The following DMD variants were observed in gnomAD, a reference collection of about 807,000 sequenced individuals.
The protein encoded by DMD is dystrophin, also known as mutant dystrophin.
Under a neutral mutation model 330.1 loss-of-function variants are expected in DMD, and 63 were observed. The ratio of observed to expected loss-of-function variants is 0.19; its 90% CI spans 0.16 to 0.24. The LOEUF (loss-of-function observed/expected upper bound fraction) is 0.24, where lower values mean the gene tolerates loss of function less well. Among genes scored for constraint, DMD ranks in the 10% least tolerant of loss-of-function variants. The pLI is 1.00. For missense variants in DMD, 3,344 were observed against 2,684.1 expected (o/e 1.25, Z -5.43); for synonymous variants, 1,223 against 959.8 (o/e 1.27, Z -5.07).
At chrX:33,029,842 T>C (rs1193347981) in intron 1 of DMD, among the ~76,000 whole-genome samples, 2 of 111,830 alleles carry the variant, frequency 1.8e-5, no homozygotes, top group South Asian at 3.7e-4. Flanking sequence ...TATGAAAAGG[T>C]GTTAAGTGGT....
chrX:32,387,644 C>G (rs1258009611), intron 32 of DMD, among the ~76,000 whole-genome samples: 1 of 111,184 alleles, frequency 9.0e-6, no homozygotes, highest in African/African-American at 3.3e-5. Context: ...TGTTAACATT[C>G]CTTCATCACT....
intron 44 of DMD, among the ~76,000 whole-genome samples, chrX:31,982,970 A>C (rs1242012464): frequency 1.2e-5 from 1 of 85,709 alleles, no homozygotes; most frequent in Non-Finnish European, 2.6e-5. Context: ...AGCTTTTGTT[A>C]ATGGTATTTT....
chrX:33,315,652 C>CT (rs924282264), intron 1 of DMD, among the ~76,000 whole-genome samples: 8 of 112,296 alleles, frequency 7.1e-5, no homozygotes, highest in African/African-American at 2.6e-4. Flanking sequence ...CAGTCTTTAT[C>CT]TTTTTGTTGT....
At chrX:32,845,311 C>T (rs1331250459) in intron 3 of DMD, among the ~76,000 whole-genome samples, 4 of 111,863 alleles carry the variant, frequency 3.6e-5, no homozygotes, top group African/African-American at 9.7e-5. Context: ...CCTTAATTGT[C>T]CTTGTCACTG....
intron 55 of DMD, among the ~76,000 whole-genome samples, chrX:31,598,960 A>G (rs938623506): frequency 5.4e-5 from 6 of 111,830 alleles, no homozygotes; most frequent in Non-Finnish European, 9.4e-5. Context: ...CTTTTGTCTC[A>G]TTTTTCATGG....
chrX:32,535,770 C>A (rs1340896059), intron 17 of DMD, among the ~76,000 whole-genome samples: 1 of 111,440 alleles, frequency 9.0e-6, no homozygotes, highest in East Asian at 2.8e-4. Flanking sequence ...ACAAGACTCG[C>A]ACAAAACCTG....
intron 60 of DMD, among the ~76,000 whole-genome samples, chrX:31,409,844 A>C (rs1470266197): frequency 9.2e-6 from 1 of 108,538 alleles, no homozygotes; most frequent in East Asian, 3.0e-4. Context: ...AGATAGATAG[A>C]GTCTTGCTCT....
intron 1 of DMD, among the ~76,000 whole-genome samples, chrX:33,115,046 C>CAGTT (rs2095370750): frequency 8.9e-6 from 1 of 112,386 alleles, no homozygotes; most frequent in South Asian, 3.6e-4. Context: ...TTCATACTTT[C>CAGTT]AGTTAGGATG....
chrX:32,641,481 G>A, intron 11 of DMD: 1 of 131,783 alleles, frequency 7.6e-6, no homozygotes, highest in Non-Finnish European at 1.7e-5. Context: ...GTTGCTATTA[G>A]GTTGGTACAA....
intron 60 of DMD, among the ~76,000 whole-genome samples, chrX:31,355,603 A>G (rs2058628733): frequency 8.9e-6 from 1 of 111,748 alleles, no homozygotes; most frequent in Non-Finnish European, 1.9e-5. Flanking sequence ...TCTCCAGTCT[A>G]TTCACGAGTT....
intron 1 of DMD, among the ~76,000 whole-genome samples, chrX:33,070,190 A>G (rs912072985): frequency 8.9e-6 from 1 of 112,070 alleles, no homozygotes; most frequent in Non-Finnish European, 1.9e-5. Context: ...TTATTCACTT[A>G]CAGAGTAAAC....
chrX:32,326,494 C>T (rs1258195743), intron 41 of DMD, among the ~76,000 whole-genome samples: 1 of 112,895 alleles, frequency 8.9e-6, no homozygotes, highest in Non-Finnish European at 1.9e-5. Context: ...TGTGCCTATG[C>T]AGCCTCAGAT....
At chrX:31,690,768 C>T (rs892249750) in intron 52 of DMD, among the ~76,000 whole-genome samples, 2 of 111,823 alleles carry the variant, frequency 1.8e-5, no homozygotes, top group Non-Finnish European at 3.8e-5. Flanking sequence ...CACATATACA[C>T]CATGGAATAC....
chrX:31,948,130 T>A (rs960136370), intron 45 of DMD, among the ~76,000 whole-genome samples: 1 of 111,603 alleles, frequency 9.0e-6, no homozygotes, highest in Non-Finnish European at 1.9e-5. Context: ...ATTTGCCCTT[T>A]GGTGACTGGC....
chrX:31,348,628 C>A lies in DMD; in HGVS notation c.9091G>T (p.Val3031Phe). 1.7e-6 allele frequency: 2 copies of A among 1,208,139 alleles called. No individual in the cohort carries two copies. Among genetic ancestry groups the A allele is most frequent in the East Asian group, 3.0e-5 (1 of 33,792 alleles). Residue 3031 changes from valine to phenylalanine, a missense_variant, in exon 61 of 79, where the codon GTC (valine) becomes TTC (phenylalanine). Coordinates refer to ENST00000357033, the MANE Select transcript of DMD (RefSeq NM_004006.3). The part of the protein sequence containing the change: ...NTRWKLLQVA[V>F]EDRVRQLHEA... ...TGCAGCTGCCTGACTCGGTCCTCGA[C>A]GGCCACCTGGGAGGAAAAGGAGAGA...
chrX:31,952,847 G>A (rs1472922431), intron 45 of DMD, among the ~76,000 whole-genome samples: 1 of 111,862 alleles, frequency 8.9e-6, no homozygotes, highest in Non-Finnish European at 1.9e-5. Context: ...TATGCCCAGC[G>A]TTTTTTAAAT....
rs762078242 is a variant in DMD, at chrX:32,739,622, G to C, written c.650-40329C>G. Among the ~76,000 whole-genome samples, 172 of 111,979 alleles carry C rather than the reference G, an allele frequency of 1.5e-3. 1 individual carries two copies. The highest frequency in any genetic ancestry group is 5.4e-3 in the African/African-American group (165 of 30,835). On this transcript the variant is annotated intron_variant, in intron 7 of 78. Coordinates refer to ENST00000357033, the MANE Select transcript of DMD (RefSeq NM_004006.3). ...TTTGGGAAATTATTAACAGACCAGT[G>C]GTTGGAGATTGAGATAAATTTGGAA...
intron 7 of DMD, among the ~76,000 whole-genome samples, chrX:32,747,773 C>T (rs1462201176): frequency 3.6e-5 from 4 of 110,508 alleles, no homozygotes; most frequent in South Asian, 7.9e-4. Context: ...GCCAACATGC[C>T]GGGGAGGAAT....
At position 32,645,098 on chromosome X, in the gene DMD, C is replaced by T. The variant is rs886044093; in HGVS notation, c.1015G>A (p.Val339Ile). The T allele has an allele frequency of 8.3e-7, 1 of 1,211,726 alleles. No homozygotes were observed. The highest frequency in any genetic ancestry group is 1.1e-6 in the Non-Finnish European group (1 of 895,485). The change falls in exon 10 of 79, where the codon GTA becomes ATA. Residue 339 changes from valine (V) to isoleucine (I), a missense_variant. Coordinates refer to ENST00000357033, the MANE Select transcript of DMD (RefSeq NM_004006.3). ...SFGSSLMESE[V>I]NLDRYQTALE... The stretch of plus-strand genomic sequence containing the variant: ...GCTGTTTGATAACGGTCCAGGTTTA[C>T]TTCACTCTCCATCAATGAACTGCCA...
Sources: allele counts gnomAD v4.1 joint callset (sites outside exome capture counted in the v4.1 genomes callset), GRCh38; gene constraint gnomAD v4.1.1; transcripts MANE v1.5; gene names NCBI Gene and HGNC (gene_info 2026-07-23, HGNC 2026-07-21).